Variants in ARHGAP20 observed in about 807,000 individuals in gnomAD.
ARHGAP20 encodes the protein Rho GTPase activating protein 20.
ARHGAP20 carries 34 observed loss-of-function variants against 73.7 expected under a neutral mutation model. That is an observed-to-expected ratio of 0.46 (90% CI 0.35 to 0.61). The LOEUF is 0.61. Among genes scored for constraint, ARHGAP20 ranks in the 20% least tolerant of loss-of-function variants. ARHGAP20 has a pLI of 0.00. For synonymous variants in ARHGAP20, 523 were observed against 518.2 expected, an observed-to-expected ratio of 1.01 and a Z score of -0.13; for missense variants, 1,314 against 1,420.9, an observed-to-expected ratio of 0.92 and a Z score of 1.21.
At chr11:110,603,039 C>G (rs780168968) in intron 9 of ARHGAP20, among the ~76,000 whole-genome samples, 1 of 152,114 alleles carries the variant, frequency 6.6e-6, no homozygotes, top group African/African-American at 2.4e-5. Flanking sequence ...TGTTTAATAC[C>G]TAAGATTATT....
Position 110,577,049 on chromosome 11 carries a change from T to C in ARHGAP20, c.*2321A>G. On this transcript the variant is annotated 3_prime_UTR_variant, in exon 15 of 15. Coordinates refer to ENST00000683387, the MANE Select transcript of ARHGAP20 (RefSeq NM_001384657.1). ...GGCAATATTGCTCTGGTGGGATGGT[T>C]AATTCTGCAGAATGGCATTTTATTT... The C allele has an allele frequency of 7.1e-7, 1 of 1,401,504 alleles. No individual in the cohort carries two copies. The highest frequency in any genetic ancestry group is 1.3e-5 in the South Asian group (1 of 76,388). 86.8% of individuals were successfully genotyped at this position (1,401,504 alleles called of 1,614,324 possible). A position where few individuals can be genotyped will look rare whatever the true frequency, so the allele number is the denominator to read the frequency against.
At chr11:110,651,539 G>T (rs988198208) in intron 2 of ARHGAP20, among the ~76,000 whole-genome samples, 2 of 151,638 alleles carry the variant, frequency 1.3e-5, no homozygotes, top group Non-Finnish European at 2.9e-5. Context: ...AATGATAAAT[G>T]GGATATCACC....
At chr11:110,610,933 A>G (rs1948352035) in intron 7 of ARHGAP20, among the ~76,000 whole-genome samples, 1 of 152,112 alleles carries the variant, frequency 6.6e-6, no homozygotes, top group Non-Finnish European at 1.5e-5. Context: ...TAATAACAGG[A>G]TAATTATATA....
At chr11:110,636,669 T>G (rs914174311) in intron 2 of ARHGAP20, among the ~76,000 whole-genome samples, 2 of 152,032 alleles carry the variant, frequency 1.3e-5, no homozygotes, top group Non-Finnish European at 2.9e-5. Flanking sequence ...ATTCATTCCA[T>G]ACACTAAAAT....
intron 4 of ARHGAP20, among the ~76,000 whole-genome samples, chr11:110,616,271 T>C (rs1474375043): frequency 6.6e-6 from 1 of 152,232 alleles, no homozygotes; most frequent in African/African-American, 2.4e-5. Flanking sequence ...TAGTATTAAT[T>C]TTTATGCTGA....
chr11:110,670,974 T>C (rs905450677), intron 2 of ARHGAP20, among the ~76,000 whole-genome samples: 2 of 152,056 alleles, frequency 1.3e-5, no homozygotes, highest in African/African-American at 4.8e-5. Context: ...GATCCTGGTA[T>C]AGAAAAAGTA....
chr11:110,701,821 A>G (rs1157874246), intron 1 of ARHGAP20, among the ~76,000 whole-genome samples: 16 of 151,832 alleles, frequency 1.1e-4, no homozygotes, highest in Admixed American at 1.0e-3. Flanking sequence ...TTTTCCCAGC[A>G]CCATTTATTA....
intron 1 of ARHGAP20, chr11:110,691,119 A>G (rs1950234309): frequency 1.4e-6 from 1 of 691,190 alleles, no homozygotes; most frequent in African/African-American, 1.8e-5. Flanking sequence ...ATAAATATTA[A>G]CACACTTGGG....
intron 1 of ARHGAP20, among the ~76,000 whole-genome samples, chr11:110,704,968 T>C (rs953784540): frequency 1.3e-4 from 20 of 152,224 alleles, no homozygotes; most frequent in African/African-American, 4.8e-4. Flanking sequence ...ATTATGAGTA[T>C]ACAAGTGTTA....
chr11:110,627,384 C>T (rs924580816), intron 3 of ARHGAP20, among the ~76,000 whole-genome samples: 3 of 152,118 alleles, frequency 2.0e-5, no homozygotes, highest in Admixed American at 1.3e-4. Flanking sequence ...TGAGCCACTG[C>T]GCCTGGCCAA....
chr11:110,698,936 A>T (rs574318097), intron 1 of ARHGAP20, among the ~76,000 whole-genome samples: 1 of 150,318 alleles, frequency 6.7e-6, no homozygotes, highest in East Asian at 2.0e-4. Flanking sequence ...AATCCTTGTT[A>T]TTTCTTTTTT....
At chr11:110,627,049 T>G (rs1480888574) in intron 3 of ARHGAP20, among the ~76,000 whole-genome samples, 1 of 151,978 alleles carries the variant, frequency 6.6e-6, no homozygotes, top group Admixed American at 6.6e-5. Context: ...AATTAAAAAG[T>G]GTGAATCCAA....
At chr11:110,672,151 G>GA (rs1949840792) in intron 2 of ARHGAP20, among the ~76,000 whole-genome samples, 1 of 151,942 alleles carries the variant, frequency 6.6e-6, no homozygotes, top group Admixed American at 6.6e-5. Context: ...CAGCTTTATA[G>GA]AAAAAAATTA....
Position 110,579,757 on chromosome 11 carries a change from TTTCTC to T in ARHGAP20, c.3184_3188del (p.Glu1062AsnfsTer36). ...CTAAGGGTCCTTTTGGAGAAGCTAT[TTTCTC>T]TTCCTCTGGTCTGGCTGCCTTTGCT... On this transcript the variant is annotated frameshift_variant, in exon 15 of 15. Transcript: ENST00000683387. LOFTEE classifies it low-confidence loss of function (END_TRUNC). 6.2e-7 allele frequency: 1 copy of T among 1,613,904 alleles called. No individual in the cohort carries two copies. Among genetic ancestry groups the T allele is most frequent in the South Asian group, 1.1e-5 (1 of 91,076 alleles).
intron 1 of ARHGAP20, among the ~76,000 whole-genome samples, chr11:110,696,409 T>C (rs202164535): frequency 1.3e-5 from 2 of 151,646 alleles, no homozygotes; most frequent in East Asian, 3.9e-4. Context: ...TAGCCATAAG[T>C]TATAATTTTC....
At chr11:110,677,238 T>C (rs181507462) in intron 2 of ARHGAP20, among the ~76,000 whole-genome samples, 20 of 152,318 alleles carry the variant, frequency 1.3e-4, no homozygotes, top group Admixed American at 7.8e-4. Flanking sequence ...AACTTGTTAA[T>C]AAAAACTCAA....
At chr11:110,637,057 TG>T (rs1480514728) in intron 2 of ARHGAP20, among the ~76,000 whole-genome samples, 1 of 152,052 alleles carries the variant, frequency 6.6e-6, no homozygotes, top group East Asian at 1.9e-4. Context: ...AATGGGTTTG[TG>T]AAACCATTTC....
Position 110,660,333 on chromosome 11 carries a change from G to A in ARHGAP20, c.189-29541C>T, listed in dbSNP as rs1366115639. On this transcript the variant is annotated intron_variant, in intron 2 of 14. Coordinates refer to ENST00000683387, the MANE Select transcript of ARHGAP20 (RefSeq NM_001384657.1). ...GGTGTACCTTCCAGGTACCTAAAGG[G>A]TGAGTCAAGAGACCAGTCACTGGCC... Among the ~76,000 whole-genome samples, 4 of 152,236 alleles carry A rather than the reference G, an allele frequency of 2.6e-5. No homozygotes were observed. In the East Asian group the frequency reaches 7.7e-4, roughly 29 times the overall value.
intron 1 of ARHGAP20, among the ~76,000 whole-genome samples, chr11:110,703,534 T>C (rs1387224601): frequency 6.6e-6 from 1 of 151,904 alleles, no homozygotes; most frequent in Non-Finnish European, 1.5e-5. Flanking sequence ...TATATATTCA[T>C]TCATATATAT....
Sources: allele counts gnomAD v4.1 joint callset (sites outside exome capture counted in the v4.1 genomes callset), GRCh38; gene constraint gnomAD v4.1.1; transcripts MANE v1.5; gene names NCBI Gene and HGNC (gene_info 2026-07-23, HGNC 2026-07-21).